CCSER1: variants seen among roughly 807,000 people sequenced by gnomAD.
CCSER1 encodes serine-rich coiled-coil domain-containing protein 1.
A neutral mutation model predicts 82.0 loss-of-function variants in CCSER1; 41 were observed. The observed-to-expected ratio is 0.50, with a 90% CI of 0.39 to 0.65. CCSER1 has a LOEUF of 0.65. CCSER1 is among the 30% of genes least tolerant of loss of function. The pLI is 0.00. For synonymous variants in CCSER1, 414 were observed against 383.9 expected, an observed-to-expected ratio of 1.08 and a Z score of -0.92; for missense variants, 1,119 against 1,064.2, an observed-to-expected ratio of 1.05 and a Z score of -0.72.
At chr4:91,270,227 G>C (rs1022915239) in intron 10 of CCSER1, among the ~76,000 whole-genome samples, 1 of 151,952 alleles carries the variant, frequency 6.6e-6, no homozygotes, top group African/African-American at 2.4e-5. Flanking sequence ...TTTTTGATGT[G>C]TGTGCCTGAG....
intron 10 of CCSER1, among the ~76,000 whole-genome samples, chr4:91,524,440 T>C (rs1760668882): frequency 6.6e-6 from 1 of 152,218 alleles, no homozygotes; most frequent in African/African-American, 2.4e-5. Flanking sequence ...CAATGAGATG[T>C]AGTTACAAGA....
At chr4:91,342,750 T>C (rs1213991698) in intron 10 of CCSER1, among the ~76,000 whole-genome samples, 1 of 152,134 alleles carries the variant, frequency 6.6e-6, no homozygotes, top group African/African-American at 2.4e-5. Flanking sequence ...ATGTTTCAAT[T>C]ACATATAGGT....
chr4:90,312,292 T>C (rs1735423916), intron 2 of CCSER1, among the ~76,000 whole-genome samples: 1 of 151,978 alleles, frequency 6.6e-6, no homozygotes, highest in African/African-American at 2.4e-5. Flanking sequence ...GGTGAGCAGG[T>C]GAACAGGGTG....
intron 8 of CCSER1, among the ~76,000 whole-genome samples, chr4:90,900,907 C>T (rs550449069): frequency 8.6e-5 from 13 of 151,880 alleles, no homozygotes; most frequent in African/African-American, 2.7e-4. Flanking sequence ...TTCCCCACTA[C>T]TATTGGATGA....
At chr4:90,935,609 G>A (rs1730831452) in intron 9 of CCSER1, among the ~76,000 whole-genome samples, 1 of 152,104 alleles carries the variant, frequency 6.6e-6, no homozygotes, top group African/African-American at 2.4e-5. Flanking sequence ...TCAATAAAGG[G>A]AATGGTTTCC....
chr4:90,603,704 C>G (rs1025162008), intron 5 of CCSER1, among the ~76,000 whole-genome samples: 3 of 152,128 alleles, frequency 2.0e-5, no homozygotes, highest in Non-Finnish European at 4.4e-5. Context: ...TGCCTAGAAA[C>G]GTAATGGCTC....
chr4:90,632,376 C>T (rs1056951755), intron 6 of CCSER1, among the ~76,000 whole-genome samples: 1 of 151,910 alleles, frequency 6.6e-6, no homozygotes, highest in Non-Finnish European at 1.5e-5. Context: ...TCATTTGGCA[C>T]TTAGTAATTC....
At chr4:91,049,498 A>G (rs1742813295) in intron 9 of CCSER1, among the ~76,000 whole-genome samples, 1 of 152,156 alleles carries the variant, frequency 6.6e-6, no homozygotes. Context: ...GAAAAGGAAG[A>G]TTTTTCCATT....
At chr4:91,534,349 T>C (rs1419145221) in intron 10 of CCSER1, among the ~76,000 whole-genome samples, 1 of 152,030 alleles carries the variant, frequency 6.6e-6, no homozygotes, top group Admixed American at 6.6e-5. Context: ...ATAATGGTTT[T>C]AAGTATGTAT....
At chr4:91,061,779 G>A (rs1261325647) in intron 9 of CCSER1, among the ~76,000 whole-genome samples, 1 of 151,262 alleles carries the variant, frequency 6.6e-6, no homozygotes, top group African/African-American at 2.4e-5. Flanking sequence ...TTTTTCACCT[G>A]TGGTAGGGTA....
At chr4:91,127,015 A>AT (rs1186466090) in intron 10 of CCSER1, among the ~76,000 whole-genome samples, 18 of 152,088 alleles carry the variant, frequency 1.2e-4, no homozygotes, top group Admixed American at 7.2e-4. Context: ...AAGACAATTT[A>AT]TTTTCTGTTG....
Position 90,495,580 on chromosome 4 carries a change from C to T in CCSER1, c.1724+27226C>T, listed in dbSNP as rs144045073. ...CTCTAAAATATAATACAATTAATTA[C>T]ATTTGTGCTTAAAGATGCCCACTAA... is the stretch of plus-strand genomic sequence containing the variant. On this transcript the variant is annotated intron_variant, in intron 5 of 10. Coordinates refer to ENST00000509176, the MANE Select transcript of CCSER1 (RefSeq NM_001145065.2). Among the ~76,000 whole-genome samples, 670 of 152,220 alleles carry T rather than the reference C, an allele frequency of 4.4e-3. 7 individuals are homozygous for T. Among genetic ancestry groups the T allele is most frequent in the African/African-American group, 0.016 (648 of 41,548 alleles).
chr4:91,278,775 T>A (rs1382562067), intron 10 of CCSER1, among the ~76,000 whole-genome samples: 2 of 152,176 alleles, frequency 1.3e-5, no homozygotes, highest in Non-Finnish European at 2.9e-5. Flanking sequence ...CTTCTTATTG[T>A]TTATCATTCA....
chr4:91,346,950 C>T (rs974612376), intron 10 of CCSER1, among the ~76,000 whole-genome samples: 2 of 151,990 alleles, frequency 1.3e-5, no homozygotes, highest in Admixed American at 6.6e-5. Flanking sequence ...TTTCTCTTCA[C>T]AGTGTCTTTT....
At chr4:90,463,305 A>G (rs1191543226) in intron 4 of CCSER1, among the ~76,000 whole-genome samples, 1 of 152,200 alleles carries the variant, frequency 6.6e-6, no homozygotes, top group Non-Finnish European at 1.5e-5. Context: ...ACTTCAGAGC[A>G]GTTGATATAT....
At chr4:90,622,747 A>C (rs1001108339) in intron 5 of CCSER1, among the ~76,000 whole-genome samples, 1 of 152,092 alleles carries the variant, frequency 6.6e-6, no homozygotes, top group African/African-American at 2.4e-5. Context: ...GTGTCTTTAT[A>C]GCAGCATGAT....
intron 8 of CCSER1, among the ~76,000 whole-genome samples, chr4:90,837,085 GCAAT>G (rs1761895838): frequency 6.6e-6 from 1 of 152,046 alleles, no homozygotes; most frequent in South Asian, 2.1e-4. Flanking sequence ...ATATTAAGAA[GCAAT>G]CAAAGCATAT....
chr4:90,474,254 C>T (rs1369091421), intron 5 of CCSER1, among the ~76,000 whole-genome samples: 2 of 152,038 alleles, frequency 1.3e-5, no homozygotes, highest in East Asian at 1.9e-4. Flanking sequence ...GTAAAACGTC[C>T]CTGAGGAGGT....
intron 9 of CCSER1, among the ~76,000 whole-genome samples, chr4:91,072,084 A>G (rs1317524505): frequency 6.6e-6 from 1 of 152,164 alleles, no homozygotes; most frequent in Admixed American, 6.5e-5. Context: ...GATAAACTCT[A>G]CTGTATGAAA....
Sources: allele counts gnomAD v4.1 joint callset (sites outside exome capture counted in the v4.1 genomes callset), GRCh38; gene constraint gnomAD v4.1.1; transcripts MANE v1.5; gene names NCBI Gene and HGNC (gene_info 2026-07-23, HGNC 2026-07-21).